The following ZDHHC3 variants were observed in gnomAD, a reference collection of about 807,000 sequenced individuals.
The protein encoded by ZDHHC3 is zDHHC palmitoyltransferase 3.
Under a neutral mutation model 30.6 loss-of-function variants are expected in ZDHHC3, and 9 were observed. The ratio of observed to expected loss-of-function variants is 0.29; its 90% CI spans 0.18 to 0.51. The LOEUF (loss-of-function observed/expected upper bound fraction) is 0.51. Among genes scored for constraint, ZDHHC3 ranks in the 20% least tolerant of loss-of-function variants. The pLI, the probability that ZDHHC3 is intolerant of heterozygous loss-of-function variation, is 0.97. For missense variants in ZDHHC3, 246 were observed against 384.2 expected (o/e 0.64, Z 3.01); for synonymous variants, 136 against 140.2 (o/e 0.97, Z 0.21).
At chr3:44,967,629 C>T (rs959860441) in intron 1 of ZDHHC3, among the ~76,000 whole-genome samples, 6 of 152,096 alleles carry the variant, frequency 3.9e-5, no homozygotes, top group Admixed American at 1.3e-4. Flanking sequence ...TTGGGTAACA[C>T]GGTCTACTTT....
At chr3:44,945,121 A>G (rs1262663748) in intron 3 of ZDHHC3, 47 bp downstream of exon 3, 1 of 1,611,902 alleles carries the variant, frequency 6.2e-7, no homozygotes, top group Admixed American at 1.7e-5. Context: ...GGATGGAGGG[A>G]GGCAGGACAG....
intron 2 of ZDHHC3, among the ~76,000 whole-genome samples, chr3:44,954,819 A>G (rs773858962): frequency 6.6e-6 from 1 of 152,156 alleles, no homozygotes; most frequent in Non-Finnish European, 1.5e-5. Context: ...TCAGAAATAA[A>G]GAAGCCCCTC....
intron 5 of ZDHHC3, among the ~76,000 whole-genome samples, chr3:44,931,516 C>T (rs890704754): frequency 1.8e-4 from 27 of 152,312 alleles, no homozygotes; most frequent in African/African-American, 5.1e-4. Context: ...CCTCTGCCCC[C>T]ACTCACACCA....
chr3:44,970,672 A>G (rs189884882), intron 1 of ZDHHC3, among the ~76,000 whole-genome samples: 6 of 152,318 alleles, frequency 3.9e-5, no homozygotes, highest in Admixed American at 3.3e-4. Context: ...CCCACTAGTA[A>G]CTATCTCTCT....
Position 44,976,005 on chromosome 3 carries a change from T to C in ZDHHC3, c.-97A>G. 1 of 368,454 alleles carries C rather than the reference T, an allele frequency of 2.7e-6. No homozygotes were observed. The highest frequency in any genetic ancestry group is 4.8e-6 in the Non-Finnish European group (1 of 207,152). 22.8% of individuals were successfully genotyped at this position (368,454 alleles called of 1,614,324 possible). The stretch of plus-strand genomic sequence containing the variant: ...CGCCGCCGCCGCCGCTGCCTTCCCC[T>C]GCAGTCCCCAACCCGGGACCCGGCC... On this transcript the variant is annotated 5_prime_UTR_variant, in exon 1 of 7. Coordinates refer to ENST00000424952, the MANE Select transcript of ZDHHC3 (RefSeq NM_001135179.2).
Position 44,923,168 on chromosome 3 carries a change from C to CA in ZDHHC3, c.*3520_*3521insT, listed in dbSNP as rs943251465. The CA allele has an allele frequency of 3.4e-6, 3 of 889,492 alleles. No individual in the cohort carries two copies. Among genetic ancestry groups the CA allele is most frequent in the Non-Finnish European group, 4.0e-6 (3 of 743,246 alleles). The allele number at this position is 889,492 out of a possible 1,614,324, so 55.1% of individuals were successfully genotyped here. On this transcript the variant is annotated 3_prime_UTR_variant, in exon 7 of 7. Coordinates refer to ENST00000424952, the MANE Select transcript of ZDHHC3 (RefSeq NM_001135179.2). ...TTGGCTCACTGCAAGCTCCACTTCC[C>CA]GGGTTCACGCCATTCTCCTGCCTCA...
intron 1 of ZDHHC3, among the ~76,000 whole-genome samples, chr3:44,961,164 G>A (rs1157951849): frequency 2.6e-5 from 4 of 152,190 alleles, no homozygotes; most frequent in East Asian, 1.9e-4. Flanking sequence ...AGGCCAAGGC[G>A]GGTGGATCAC....
intron 5 of ZDHHC3, 89 bp from the exon 6 acceptor site, chr3:44,929,525 C>T: frequency 6.5e-7 from 1 of 1,539,946 alleles, no homozygotes; most frequent in Non-Finnish European, 8.8e-7. Flanking sequence ...CACTCTGCCT[C>T]CTGCTTGCAG....
intron 5 of ZDHHC3, among the ~76,000 whole-genome samples, chr3:44,930,612 GA>G: frequency 6.6e-6 from 1 of 152,366 alleles, no homozygotes; most frequent in Non-Finnish European, 1.5e-5. Context: ...TCCCCCACGG[GA>G]ATGTCAGGAG....
At chr3:44,974,921 T>A (rs1705754982) in intron 1 of ZDHHC3, among the ~76,000 whole-genome samples, 1 of 152,208 alleles carries the variant, frequency 6.6e-6, no homozygotes, top group Admixed American at 6.5e-5. Context: ...GGAGCCTTCA[T>A]CTGCCCAGGG....
chr3:44,974,115 C>T (rs1010293002), intron 1 of ZDHHC3, among the ~76,000 whole-genome samples: 18 of 152,176 alleles, frequency 1.2e-4, no homozygotes, highest in African/African-American at 4.3e-4. Flanking sequence ...TGAAGACTGT[C>T]ATTGTTTTAG....
chr3:44,942,414 A>C (rs142676271), intron 3 of ZDHHC3, among the ~76,000 whole-genome samples: 4 of 152,316 alleles, frequency 2.6e-5, no homozygotes, highest in African/African-American at 9.6e-5. Context: ...AGTTCATCTG[A>C]ATCAGCAGCT....
At chr3:44,964,334 A>C (rs924390270) in intron 1 of ZDHHC3, among the ~76,000 whole-genome samples, 1 of 152,214 alleles carries the variant, frequency 6.6e-6, no homozygotes, top group Non-Finnish European at 1.5e-5. Flanking sequence ...AGCCAAGTGA[A>C]GCATACTGCT....
At chr3:44,933,834 C>T (rs1701708916) in intron 4 of ZDHHC3, 54 bp downstream of exon 4, 1 of 1,509,254 alleles carries the variant, frequency 6.6e-7, no homozygotes, top group Non-Finnish European at 9.2e-7. Flanking sequence ...TTCAAAGGAA[C>T]AAAGTGCTCC....
In ZDHHC3 at chr3:44,916,981, G is replaced by A. The variant is rs1424622786; in HGVS notation, c.*9708C>T. ...AACACACAGGCAGGGTTTATGGTCA[G>A]TTCTACCTACATGTGTTATTAGACT... is the stretch of plus-strand genomic sequence containing the variant. On this transcript the variant is annotated 3_prime_UTR_variant, in exon 7 of 7. Transcript: ENST00000424952. The A allele has an allele frequency of 1.3e-5, 2 of 152,188 alleles. No homozygotes were observed. Among genetic ancestry groups the A allele is most frequent in the African/African-American group, 2.4e-5 (1 of 41,446 alleles). 9.4% of individuals were successfully genotyped at this position (152,188 alleles called of 1,614,324 possible).
intron 3 of ZDHHC3, among the ~76,000 whole-genome samples, 172 bp from the exon 4 acceptor site, chr3:44,934,156 C>A (rs923988562): frequency 1.3e-5 from 2 of 152,072 alleles, no homozygotes; most frequent in South Asian, 4.1e-4. Flanking sequence ...AGGGTCAGGA[C>A]CCCAGGGGTG....
rs890772765 is a variant in ZDHHC3 at position 44,976,095 on chromosome 3, G to C, written c.-187C>G. ...GCTCTCTGGACTCGGCCAGACACCG[G>C]GCGGCGCGCAGGAGAAGCCCATCGA... On this transcript the variant is annotated 5_prime_UTR_variant, in exon 1 of 7. Coordinates refer to ENST00000424952, the MANE Select transcript of ZDHHC3 (RefSeq NM_001135179.2). 1 of 451,134 alleles carries C rather than the reference G, an allele frequency of 2.2e-6. No homozygotes were observed. The highest frequency in any genetic ancestry group is 3.8e-6 in the Non-Finnish European group (1 of 264,816). The allele number at this position is 451,134 out of a possible 1,614,324, so 27.9% of individuals were successfully genotyped here.
rs530811189 is a variant in ZDHHC3, at chr3:44,915,509, A to C, written c.*11180T>G. The stretch of plus-strand genomic sequence containing the variant: ...TGTGGCCCAGCCCAGCACCTCCCAG[A>C]ACAGGGACTGACATGGCTGAGGTCT... On this transcript the variant is annotated 3_prime_UTR_variant, in exon 7 of 7. Transcript: ENST00000424952. 3 of 152,488 alleles carry C rather than the reference A, an allele frequency of 2.0e-5. No homozygotes were observed. The East Asian group carries it at 5.8e-4, about 30-fold the overall frequency. 9.4% of individuals were successfully genotyped at this position (152,488 alleles called of 1,614,324 possible). A position where few individuals can be genotyped will look rare whatever the true frequency, so the allele number is the denominator to read the frequency against.
chr3:44,975,770 T>TCACACACACACACACACACA (rs3082727), intron 1 of ZDHHC3, among the ~76,000 whole-genome samples, 163 bp downstream of exon 1: 14 of 111,548 alleles, frequency 1.3e-4, no homozygotes, highest in South Asian at 1.1e-3. Context: ...TCTCTCTCTC[T>TCACACACACACACACACACA]CTCACACACA....
Sources: allele counts gnomAD v4.1 joint callset (sites outside exome capture counted in the v4.1 genomes callset), GRCh38; gene constraint gnomAD v4.1.1; transcripts MANE v1.5; gene names NCBI Gene and HGNC (gene_info 2026-07-23, HGNC 2026-07-21).